ZBTB45: variants seen among roughly 807,000 people sequenced by gnomAD.
ZBTB45 encodes the protein zinc finger and BTB domain-containing protein 45.
Under a neutral mutation model 28.4 loss-of-function variants are expected in ZBTB45, and 22 were observed. The observed-to-expected ratio is 0.77, with a 90% CI of 0.55 to 1.10. The LOEUF is 1.10. Ranked by LOEUF, ZBTB45 falls within the 50% of genes least tolerant of loss-of-function variation. The pLI, the probability that ZBTB45 is intolerant of heterozygous loss-of-function variation, is 0.00. For synonymous variants in ZBTB45, 361 were observed against 332.3 expected, an observed-to-expected ratio of 1.09 and a Z score of -0.94; for missense variants, 656 against 750.2, an observed-to-expected ratio of 0.87 and a Z score of 1.47.
chr19:58,521,509 C>G (rs980437932), upstream of ZBTB45, among the ~76,000 whole-genome samples: 1 of 152,042 alleles, frequency 6.6e-6, no homozygotes, highest in Non-Finnish European at 1.5e-5. Context: ...TAGTCCATAC[C>G]ACACCTTGAT....
chr19:58,517,466 G>A lies in ZBTB45; in HGVS notation c.208C>T (p.Arg70Cys), dbSNP rs150431450. Residue 70 changes from arginine (R) to cysteine (C), a missense_variant, in exon 2 of 3, where the codon CGT (arginine) becomes TGT (cysteine). Around this residue, in one of 3 missense-constraint regions of ZBTB45, gnomAD observed 105 missense variants for 152.4 expected, o/e 0.69. Coordinates refer to ENST00000594051, the MANE Select transcript of ZBTB45 (RefSeq NM_001316979.2). ...TGCGCGGGCACCACCGGAGGCACAC[G>A]GATCTCAGAGTGGCCGAGCAGCAGC... The part of the protein sequence containing the change: ...DKLLLGHSEI[R>C]VPPVVPAQTV... The A allele has an allele frequency of 8.7e-6, 14 of 1,613,020 alleles. No homozygotes were observed. The highest frequency in any genetic ancestry group is 2.7e-5 in the African/African-American group (2 of 74,900).
chr19:58,523,365 G>A (rs938396062), upstream of ZBTB45, among the ~76,000 whole-genome samples: 3 of 151,926 alleles, frequency 2.0e-5, no homozygotes, highest in Admixed American at 2.0e-4. Context: ...GGCCAACATG[G>A]TGAAACCCGG....
At position 58,517,310 on chromosome 19, in the gene ZBTB45, T is replaced by A. The variant is rs1263150877; in HGVS notation, c.364A>T (p.Ile122Phe). ...QTVIDECTQI[I>F]ARARAPGTSA... ...GTGCCCGGGGCTCGAGCGCGGGCGATAATCTGCGTGCATTCGTCGATAACT... is the reference window on the plus strand; with the variant it reads ...GTGCCCGGGGCTCGAGCGCGGGCGAAAATCTGCGTGCATTCGTCGATAACT... Residue 122 changes from isoleucine to phenylalanine, a missense_variant, in exon 2 of 3, where the codon ATC becomes TTC. Transcript: ENST00000594051. 3.1e-6 allele frequency: 5 copies of A among 1,606,896 alleles called. No individual in the cohort carries two copies. The highest frequency in any genetic ancestry group is 4.2e-6 in the Non-Finnish European group (5 of 1,178,678).
chr19:58,538,239 G>C (rs927154303), intron 1 of ZBTB45, among the ~76,000 whole-genome samples: 1 of 151,102 alleles, frequency 6.6e-6, no homozygotes, highest in Non-Finnish European at 1.5e-5. Context: ...TTTAAAGACA[G>C]GGCCTCGCTC....
chr19:58,515,878 C>A lies in ZBTB45; in HGVS notation c.1279+517G>T, dbSNP rs2053485813. 6.6e-6 allele frequency among the ~76,000 whole-genome samples: 1 copy of A among 152,124 alleles called. No homozygotes were observed. The highest frequency in any genetic ancestry group is 1.5e-5 in the Non-Finnish European group (1 of 68,022). ...GGGGTCCTCTGCAGCTGTGGAGTCC[C>A]CACACTACCTATGTTTTCCTACTCA... On this transcript the variant is annotated intron_variant, in intron 2 of 2. Coordinates refer to ENST00000594051, the MANE Select transcript of ZBTB45 (RefSeq NM_001316979.2). This position sits in a 1 kb window ranked among gnomAD's most constrained non-coding sequence, Gnocchi z 4.7.
chr19:58,516,935 C>T lies in ZBTB45; in HGVS notation c.739G>A (p.Ala247Thr), dbSNP rs1568642319. ...TCCTCGCACGCGCTGTCAGCAGCAG[C>T]AGTGAGGAAGCCAGCAGCACAGTCT... Reference protein sequence around the residue: ...FPDCAAGFLTAAADSACEEPP... With the variant: ...FPDCAAGFLTTAADSACEEPP... The change falls in exon 2 of 3, where the codon GCT becomes ACT. Residue 247 changes from alanine to threonine, a missense_variant. Transcript: ENST00000594051. The surrounding 1 kb of genome is among the most constrained non-coding windows in gnomAD (Gnocchi z 6.2). 2 of 1,613,320 alleles carry T rather than the reference C, an allele frequency of 1.2e-6. No individual in the cohort carries two copies. The highest frequency in any genetic ancestry group is 3.3e-5 in the Admixed American group (2 of 60,030).
upstream of ZBTB45, among the ~76,000 whole-genome samples, chr19:58,522,629 C>CTTTGTT (rs2053584760): frequency 6.6e-6 from 1 of 152,058 alleles, no homozygotes; most frequent in African/African-American, 2.4e-5. Context: ...GAGTGAAAAT[C>CTTTGTT]CGTCTCAGAA....
intron 1 of ZBTB45, among the ~76,000 whole-genome samples, chr19:58,525,233 C>G (rs1476538815): frequency 6.6e-6 from 1 of 152,186 alleles, no homozygotes; most frequent in Non-Finnish European, 1.5e-5. Flanking sequence ...CTTGTGTCCA[C>G]AAACCCGGCC....
upstream of ZBTB45, among the ~76,000 whole-genome samples, chr19:58,520,806 A>G (rs2053570546): frequency 6.6e-6 from 1 of 152,174 alleles, no homozygotes; most frequent in South Asian, 2.1e-4. Flanking sequence ...CTGTAATCCC[A>G]GCACTTTGGG....
chr19:58,538,910 A>G (rs1221941825), exon 1 of ZBTB45: 1 of 152,128 alleles, frequency 6.6e-6, no homozygotes. Flanking sequence ...CACGTTTTCA[A>G]CGCGCTGATA....
chr19:58,529,524 A>G (rs1037812053), intron 1 of ZBTB45, among the ~76,000 whole-genome samples: 2 of 152,150 alleles, frequency 1.3e-5, no homozygotes, highest in African/African-American at 4.8e-5. Context: ...CAATTTCCTC[A>G]CTACAAAATA....
rs2053447868 is a variant in ZBTB45 at position 58,513,848 on chromosome 19, G to A, written c.*206C>T. The A allele has an allele frequency of 1.7e-6, 1 of 577,318 alleles. No individual in the cohort carries two copies. The highest frequency in any genetic ancestry group is 2.7e-6 in the Non-Finnish European group (1 of 377,304). 35.8% of individuals were successfully genotyped at this position (577,318 alleles called of 1,614,324 possible). ...GTCTAACCAGCCCCAGCCCCAGCCC[G>A]GCACCACCTGGAGGGTTCAAGTACA... On this transcript the variant is annotated 3_prime_UTR_variant, in exon 3 of 3. Coordinates refer to ENST00000594051, the MANE Select transcript of ZBTB45 (RefSeq NM_001316979.2).
Position 58,517,181 on chromosome 19 carries a change from G to C in ZBTB45, c.493C>G (p.Pro165Ala), listed in dbSNP as rs1158607404. 5.6e-6 allele frequency: 9 copies of C among 1,607,652 alleles called. No individual in the cohort carries two copies. Among genetic ancestry groups the C allele is most frequent in the Admixed American group, 1.7e-5 (1 of 59,792 alleles). ...TGCTTACGGCTGTGTGCAGCACCGG[G>C]GTGCCCCGGGGGACGTGCAGCCAGC... is the stretch of plus-strand genomic sequence containing the variant. ...HLLAARPPGH[P>A]GAAHSRKQRQ... Residue 165 changes from proline (P) to alanine (A), a missense_variant, in exon 2 of 3, where the codon CCC (proline) becomes GCC (alanine). Coordinates refer to ENST00000594051, the MANE Select transcript of ZBTB45 (RefSeq NM_001316979.2).
intron 2 of ZBTB45, among the ~76,000 whole-genome samples, chr19:58,514,619 C>T (rs1468987495): frequency 6.6e-6 from 1 of 152,050 alleles, no homozygotes; most frequent in Admixed American, 6.6e-5. Flanking sequence ...TTCTGTTATC[C>T]TGGGATATCA....
At chr19:58,521,071 AAAAAAAAAAAAG>A (rs1356413412), upstream of ZBTB45, among the ~76,000 whole-genome samples, 9 of 141,414 alleles carry the variant, frequency 6.4e-5, no homozygotes, top group Non-Finnish European at 1.2e-4. Flanking sequence ...AAAAAAAAAA[AAAAAAAAAAAAG>A]GCCGGGCGCG....
chr19:58,514,319 G>T lies in ZBTB45; in HGVS notation c.1280-9C>A, dbSNP rs552106103. ...CTGGTGCGGCTTCTCCCCTGCGGAA[G>T]ACAGGGCGGGCCGCGAACGCAAGTC... On this transcript the variant is annotated splice_polypyrimidine_tract_variant and intron_variant, in intron 2 of 2. Transcript: ENST00000594051. 5 of 1,588,348 alleles carry T rather than the reference G, an allele frequency of 3.1e-6. No individual in the cohort carries two copies. Among genetic ancestry groups the T allele is most frequent in the Non-Finnish European group, 3.4e-6 (4 of 1,163,084 alleles).
Position 58,527,283 on chromosome 19 carries a change from G to A in ZBTB45, c.1-9610C>T, listed in dbSNP as rs146981815. Among the ~76,000 whole-genome samples the A allele has an allele frequency of 3.1e-3, 472 of 152,262 alleles. 1 individual carries two copies. Among genetic ancestry groups the A allele is most frequent in the Non-Finnish European group, 5.8e-3 (396 of 68,002 alleles). ...CAGGGGACAGTCTTTCACACCTCCA[G>A]ACACGAACTCTGCCATATAATTTCC... On this transcript the variant is annotated intron_variant, in intron 1 of 1. Coordinates refer to the ZBTB45 transcript ENST00000600130.
intron 1 of ZBTB45, among the ~76,000 whole-genome samples, chr19:58,531,406 C>T (rs930172408): frequency 1.4e-4 from 22 of 152,184 alleles, no homozygotes; most frequent in Admixed American, 1.1e-3. Flanking sequence ...GCCTGACTGT[C>T]CCCTGTACAC....
intron 1 of ZBTB45, among the ~76,000 whole-genome samples, chr19:58,535,913 G>A (rs1052096449): frequency 6.6e-6 from 1 of 152,100 alleles, no homozygotes; most frequent in African/African-American, 2.4e-5. Flanking sequence ...CTGAAATGGG[G>A]AAGAAGAGAG....
Sources: allele counts gnomAD v4.1 joint callset (sites outside exome capture counted in the v4.1 genomes callset), GRCh38; gene constraint gnomAD v4.1.1; regional missense constraint gnomAD v4.1.1; non-coding constraint Gnocchi (gnomAD v3.1); transcripts MANE v1.5; gene names NCBI Gene and HGNC (gene_info 2026-07-23, HGNC 2026-07-21).